Variants in EXD3 observed in about 807,000 individuals in gnomAD.
EXD3 encodes exonuclease mut-7 homolog.
Under a neutral mutation model 98.0 loss-of-function variants are expected in EXD3, and 92 were observed. The observed-to-expected ratio is 0.94, with a 90% CI of 0.79 to 1.12. The LOEUF (loss-of-function observed/expected upper bound fraction) is 1.12. EXD3 is among the 50% of genes most tolerant of loss of function. EXD3 has a pLI of 0.00. For synonymous variants in EXD3, 569 were observed against 526.0 expected (o/e 1.08, Z -1.12); for missense variants, 1,222 against 1,191.6 (o/e 1.03, Z -0.38).
At chr9:137,308,552 G>C (rs528692053) in intron 20 of EXD3, among the ~76,000 whole-genome samples, 1 of 152,126 alleles carries the variant, frequency 6.6e-6, no homozygotes, top group Admixed American at 6.5e-5. Flanking sequence ...GCCACCTCCA[G>C]CCTCGCTCTC....
intron 17 of EXD3, among the ~76,000 whole-genome samples, chr9:137,328,565 G>C (rs1411497134): frequency 2.0e-5 from 3 of 147,880 alleles, no homozygotes; most frequent in Non-Finnish European, 4.4e-5. Flanking sequence ...GGAAGAAACA[G>C]ACTAGTTACA....
intron 2 of EXD3, among the ~76,000 whole-genome samples, chr9:137,386,335 T>C (rs1394420275): frequency 6.6e-6 from 1 of 152,040 alleles, no homozygotes; most frequent in Non-Finnish European, 1.5e-5. Flanking sequence ...TATTATTCTT[T>C]TTAAGTTCTC....
At chr9:137,412,149 G>A (rs956865484) in intron 1 of EXD3, among the ~76,000 whole-genome samples, 1 of 152,228 alleles carries the variant, frequency 6.6e-6, no homozygotes, top group African/African-American at 2.4e-5. Context: ...CAGGGGGCTG[G>A]AGGCCGGCCT....
chr9:137,378,709 C>A (rs1836040469), intron 3 of EXD3, among the ~76,000 whole-genome samples: 1 of 152,242 alleles, frequency 6.6e-6, no homozygotes, highest in Admixed American at 6.5e-5. Flanking sequence ...ATAGACAAGC[C>A]TTGATATCGT....
In EXD3 at chr9:137,324,027, G is replaced by T. The variant is rs769119455; in HGVS notation, c.2052+63C>A. On this transcript the variant is annotated intron_variant, in intron 18 of 21. Coordinates refer to ENST00000340951, the MANE Select transcript of EXD3 (RefSeq NM_017820.5). This position sits in a 1 kb window ranked among gnomAD's most constrained non-coding sequence, Gnocchi z 4.1. ...AGCTGACCCTGAGGTGGGGGTGGCC[G>T]AGGGGCTGGGGGCTTGGGAAGATGG... is the stretch of plus-strand genomic sequence containing the variant. 5 of 1,545,258 alleles carry T rather than the reference G, an allele frequency of 3.2e-6. No individual in the cohort carries two copies. The highest frequency in any genetic ancestry group is 4.4e-6 in the Non-Finnish European group (5 of 1,141,270).
At chr9:137,330,550 GA>G in intron 17 of EXD3, among the ~76,000 whole-genome samples, 3 of 136,782 alleles carry the variant, frequency 2.2e-5, no homozygotes, top group Non-Finnish European at 3.1e-5. Context: ...AGCTACACAG[GA>G]GCTACACAGG....
At chr9:137,350,321 C>T (rs1216152917) in intron 14 of EXD3, among the ~76,000 whole-genome samples, 1 of 63,588 alleles carries the variant, frequency 1.6e-5, no homozygotes, top group African/African-American at 6.1e-5. Flanking sequence ...GGGTGGGGAT[C>T]ACGGGGAAGG....
chr9:137,357,966 A>G (rs1233317519), intron 7 of EXD3, among the ~76,000 whole-genome samples: 2 of 151,928 alleles, frequency 1.3e-5, no homozygotes, highest in South Asian at 2.1e-4. Flanking sequence ...TGCCTGCTTT[A>G]TATTCCAGCC....
rs557438036 is a variant in EXD3 at position 137,349,007 on chromosome 9, G to A, written c.1830+103C>T. ...TCCAGGAGCTGGGCCCCCTCCACAC[G>A]CTCTGACCCAGTGGCCTTGTCTCCA... On this transcript the variant is annotated intron_variant, in intron 16 of 21. Coordinates refer to ENST00000340951, the MANE Select transcript of EXD3 (RefSeq NM_017820.5). The surrounding 1 kb of genome is among the most constrained non-coding windows in gnomAD (Gnocchi z 7.4). 194 of 1,357,020 alleles carry A rather than the reference G, an allele frequency of 1.4e-4. 7 individuals carry two copies. In the South Asian group the frequency reaches 2.3e-3, roughly 16 times the overall value. 84.1% of individuals were successfully genotyped at this position (1,357,020 alleles called of 1,614,324 possible). A position where few individuals can be genotyped will look rare whatever the true frequency, so the allele number is the denominator to read the frequency against.
At chr9:137,312,797 C>G (rs1831436710) in intron 19 of EXD3, among the ~76,000 whole-genome samples, 1 of 152,122 alleles carries the variant, frequency 6.6e-6, no homozygotes, top group Non-Finnish European at 1.5e-5. Context: ...CACGAGTAGG[C>G]CCAATTCCCA....
At chr9:137,341,211 G>A (rs989584406) in intron 17 of EXD3, among the ~76,000 whole-genome samples, 1 of 152,236 alleles carries the variant, frequency 6.6e-6, no homozygotes, top group Admixed American at 6.5e-5. Context: ...TGGCTACTCA[G>A]GAGGCTGAGT....
Position 137,407,403 on chromosome 9 carries a change from C to T in EXD3, c.-47-11999G>A, listed in dbSNP as rs1287543811. Reference sequence around the variant, plus strand: ...CCCACCCACCTGAGGTCCTGGCCCCCAAGGGGCCATCTGCCCCCGGCTCAC... The same window carrying T: ...CCCACCCACCTGAGGTCCTGGCCCCTAAGGGGCCATCTGCCCCCGGCTCAC... On this transcript the variant is annotated intron_variant, in intron 1 of 21. Transcript: ENST00000340951. The surrounding 1 kb of genome is among the most constrained non-coding windows in gnomAD (Gnocchi z 4.4). 6.6e-6 allele frequency among the ~76,000 whole-genome samples: 1 copy of T among 152,234 alleles called. No homozygotes were observed. Among genetic ancestry groups the T allele is most frequent in the Non-Finnish European group, 1.5e-5 (1 of 68,036 alleles).
intron 14 of EXD3, among the ~76,000 whole-genome samples, chr9:137,350,174 T>TAGATC (rs1834192446): frequency 5.9e-5 from 1 of 16,982 alleles, no homozygotes. Flanking sequence ...TAGAGAGGGA[T>TAGATC]GGGGATCACG....
intron 4 of EXD3, 83 bp downstream of exon 4, chr9:137,373,343 C>T: frequency 6.7e-7 from 1 of 1,497,938 alleles, no homozygotes. Flanking sequence ...GCTGCAAAGG[C>T]CTGGGCAGGT....
intron 2 of EXD3, among the ~76,000 whole-genome samples, chr9:137,386,840 TCCCTCAGCACCCCTGCTCCCTGCCTGGCC>T (rs1564198211): frequency 5.9e-5 from 3 of 51,138 alleles, no homozygotes; most frequent in East Asian, 4.6e-4. Context: ...CCTGCCTGCC[TCCCTCAGCACCCCTGCTCCCTGCCTGGCC>T]CCCTCAGCAC....
chr9:137,408,999 G>T (rs1333140726), intron 1 of EXD3, among the ~76,000 whole-genome samples: 4 of 152,214 alleles, frequency 2.6e-5, no homozygotes, highest in Admixed American at 1.3e-4. Flanking sequence ...TCCCTTCTGT[G>T]GGAGGGCGGC....
chr9:137,403,800 C>G lies in EXD3; in HGVS notation c.-47-8396G>C, dbSNP rs879443896. Among the ~76,000 whole-genome samples, 1 of 152,176 alleles carries G rather than the reference C, an allele frequency of 6.6e-6. No homozygotes were observed. The highest frequency in any genetic ancestry group is 1.5e-5 in the Non-Finnish European group (1 of 68,032). On this transcript the variant is annotated intron_variant, in intron 1 of 21. Transcript: ENST00000340951. This position sits in a 1 kb window ranked among gnomAD's most constrained non-coding sequence, Gnocchi z 6.1. ...TTCTCAGAAGGCCCTCTCCACCATG[C>G]CCAGAACCGTGGATGCCCCAGCCTG...
chr9:137,354,647 CTG>C (rs1390183656), intron 9 of EXD3, 51 bp downstream of exon 9: 1 of 1,604,234 alleles, frequency 6.2e-7, no homozygotes, highest in South Asian at 1.1e-5. Context: ...AGGCCAAACT[CTG>C]TGGCTCAGGC....
rs1835578971 is a variant in EXD3, at chr9:137,371,220, C to CT, written c.462+1684dup. Among the ~76,000 whole-genome samples, 1 of 152,228 alleles carries CT rather than the reference C, an allele frequency of 6.6e-6. No homozygotes were observed. The highest frequency in any genetic ancestry group is 2.1e-4 in the South Asian group (1 of 4,836). On this transcript the variant is annotated intron_variant, in intron 5 of 21. Coordinates refer to ENST00000340951, the MANE Select transcript of EXD3 (RefSeq NM_017820.5). This position sits in a 1 kb window ranked among gnomAD's most constrained non-coding sequence, Gnocchi z 8.0. ...AAACACTAGCCTGCCTTCTGCCTCCCTGCACTCTCCGCAGGCACGGCCGCC... is the reference window on the plus strand; with the variant it reads ...AAACACTAGCCTGCCTTCTGCCTCCCTTGCACTCTCCGCAGGCACGGCCGCC...
Sources: gnomAD v4.1 joint callset for allele counts (sites outside exome capture counted in the v4.1 genomes callset) on GRCh38, gnomAD v4.1.1 for gene constraint, Gnocchi (gnomAD v3.1) non-coding constraint, MANE v1.5 for transcripts, NCBI Gene and HGNC (gene_info 2026-07-23, HGNC 2026-07-21) for gene names.